The following FGF14 variants were observed in gnomAD, a reference collection of about 807,000 sequenced individuals.
The protein encoded by FGF14 is fibroblast growth factor homologous factor 4.
A neutral mutation model predicts 25.5 loss-of-function variants in FGF14; 5 were observed. That is an observed-to-expected ratio of 0.20 (90% CI 0.10 to 0.41). The LOEUF is 0.41. Among genes scored for constraint, FGF14 ranks in the 10% least tolerant of loss-of-function variants. The pLI is 1.00. For missense variants in FGF14, 222 were observed against 320.1 expected (o/e 0.69, Z 2.34); for synonymous variants, 138 against 118.3 (o/e 1.17, Z -1.08).
chr13:102,383,323 GT>G (rs1377939794), intron 1 of FGF14, among the ~76,000 whole-genome samples: 1 of 152,066 alleles, frequency 6.6e-6, no homozygotes, highest in African/African-American at 2.4e-5. Context: ...AGACAAATAT[GT>G]TTATTTGTGG....
intron 1 of FGF14, among the ~76,000 whole-genome samples, chr13:101,947,692 T>C (rs1322741926): frequency 2.0e-5 from 3 of 151,856 alleles, no homozygotes; most frequent in Admixed American, 6.6e-5. Flanking sequence ...CTAGAGGGGG[T>C]AGGGAGGGAT....
At chr13:102,131,776 G>A (rs563989408) in intron 1 of FGF14, among the ~76,000 whole-genome samples, 10 of 152,094 alleles carry the variant, frequency 6.6e-5, no homozygotes, top group South Asian at 2.1e-4. Flanking sequence ...ATCTTGTTTC[G>A]TAATTTTCTT....
At chr13:102,306,523 TTTGGTC>T in intron 1 of FGF14, among the ~76,000 whole-genome samples, 1 of 151,764 alleles carries the variant, frequency 6.6e-6, no homozygotes. Flanking sequence ...GACCTTGGAG[TTTGGTC>T]TTTAGGCAGA....
intron 1 of FGF14, among the ~76,000 whole-genome samples, chr13:102,036,901 A>C (rs2041502360): frequency 1.3e-5 from 2 of 152,200 alleles, no homozygotes; most frequent in Non-Finnish European, 2.9e-5. Context: ...GGAAAGATGA[A>C]CTTGAGGAAA....
intron 1 of FGF14, among the ~76,000 whole-genome samples, chr13:102,134,839 C>A (rs561027570): frequency 3.3e-5 from 5 of 152,290 alleles, no homozygotes; most frequent in Middle Eastern, 3.4e-3. Context: ...CTGGTCCCTT[C>A]TAGATTCTTA....
At chr13:102,308,926 A>AC (rs2138653284) in intron 1 of FGF14, among the ~76,000 whole-genome samples, 1 of 150,542 alleles carries the variant, frequency 6.6e-6, no homozygotes, top group South Asian at 2.1e-4. Flanking sequence ...CAAAAAAAAA[A>AC]AAAAAAAACA....
chr13:102,028,576 A>C (rs2041051223), intron 1 of FGF14, among the ~76,000 whole-genome samples: 4 of 152,068 alleles, frequency 2.6e-5, no homozygotes, highest in Admixed American at 2.6e-4. Flanking sequence ...ACTATTTATC[A>C]GATGCTTACA....
rs1209345731 is a variant in FGF14 at position 101,805,981 on chromosome 13, TATATAC to T, written c.408+62738_408+62743del. 5.9e-5 allele frequency among the ~76,000 whole-genome samples: 9 copies of T among 152,120 alleles called. No individual in the cohort carries two copies. The South Asian group carries it at 1.2e-3, about 21-fold the overall frequency. On this transcript the variant is annotated intron_variant, in intron 3 of 4. Coordinates refer to ENST00000376143, the MANE Select transcript of FGF14 (RefSeq NM_004115.4). Reference sequence around the variant, plus strand: ...AAATGTATAGATATGTATAAAAATGTATATACATATACATATATTTATCAGTTTCAT... The same window carrying T: ...AAATGTATAGATATGTATAAAAATGTATATACATATATTTATCAGTTTCAT...
At chr13:102,133,011 G>C (rs1483441593) in intron 1 of FGF14, among the ~76,000 whole-genome samples, 1 of 152,140 alleles carries the variant, frequency 6.6e-6, no homozygotes, top group Non-Finnish European at 1.5e-5. Flanking sequence ...TAGAACATCT[G>C]CTATCAAAAC....
chr13:102,129,833 T>TAA (rs994996749), intron 1 of FGF14, among the ~76,000 whole-genome samples: 1 of 150,784 alleles, frequency 6.6e-6, no homozygotes, highest in Non-Finnish European at 1.5e-5. Flanking sequence ...AGTATAATAA[T>TAA]AAAAAAAAAG....
chr13:101,711,290 T>C lies in FGF14; in HGVS notation c.*11541A>G, dbSNP rs1321544020. 6.6e-6 allele frequency: 1 copy of C among 152,210 alleles called. No homozygotes were observed. Among genetic ancestry groups the C allele is most frequent in the Non-Finnish European group, 1.5e-5 (1 of 68,044 alleles). 9.4% of individuals were successfully genotyped at this position (152,210 alleles called of 1,614,324 possible). ...TTGTGTGACAATGGCTGTAAACACA[T>C]GTCATTAACTGTCTCCTTAAACTCT... On this transcript the variant is annotated 3_prime_UTR_variant, in exon 5 of 5. Coordinates refer to ENST00000376143, the MANE Select transcript of FGF14 (RefSeq NM_004115.4).
intron 1 of FGF14, among the ~76,000 whole-genome samples, chr13:102,275,302 C>T (rs2053481881): frequency 1.4e-5 from 2 of 144,236 alleles, no homozygotes; most frequent in Non-Finnish European, 3.0e-5. Context: ...CTCTAAAATT[C>T]CAAAGGGGTC....
At chr13:101,802,890 C>A (rs2040966647) in intron 3 of FGF14, among the ~76,000 whole-genome samples, 1 of 152,028 alleles carries the variant, frequency 6.6e-6, no homozygotes, top group South Asian at 2.1e-4. Context: ...ACTTTTGAGG[C>A]CCCTGGCTTC....
chr13:101,888,446 A>ATGTG (rs140919969), intron 1 of FGF14, among the ~76,000 whole-genome samples: 1 of 151,862 alleles, frequency 6.6e-6, no homozygotes, highest in Admixed American at 6.6e-5. Flanking sequence ...ATATACATGA[A>ATGTG]TGTGTGTGTG....
At chr13:102,146,391 G>A (rs1475338489) in intron 1 of FGF14, among the ~76,000 whole-genome samples, 2 of 152,188 alleles carry the variant, frequency 1.3e-5, no homozygotes, top group Non-Finnish European at 2.9e-5. Flanking sequence ...ATTAGCTCAT[G>A]GGTTTACAGA....
chr13:102,292,966 A>G (rs1286706019), intron 1 of FGF14: 1 of 152,278 alleles, frequency 6.6e-6, no homozygotes, highest in East Asian at 1.9e-4. Flanking sequence ...TGAAGATCAC[A>G]TCTGCGCAAC....
intron 1 of FGF14, among the ~76,000 whole-genome samples, chr13:101,963,858 T>G (rs1249897595): frequency 1.3e-5 from 2 of 152,252 alleles, no homozygotes; most frequent in East Asian, 3.8e-4. Flanking sequence ...GATTTTTAAG[T>G]ACTTAGTATA....
intron 1 of FGF14, among the ~76,000 whole-genome samples, chr13:102,029,940 T>C (rs866397782): frequency 6.6e-6 from 1 of 152,094 alleles, no homozygotes; most frequent in Non-Finnish European, 1.5e-5. Flanking sequence ...AGAGAAATGA[T>C]TGTTCTTGTC....
chr13:102,092,122 C>A (rs925901315), intron 1 of FGF14, among the ~76,000 whole-genome samples: 7 of 152,144 alleles, frequency 4.6e-5, no homozygotes, highest in African/African-American at 1.7e-4. Flanking sequence ...AAATGATGAA[C>A]AACTCTTGAT....
Sources: gnomAD v4.1 joint callset for allele counts (sites outside exome capture counted in the v4.1 genomes callset) on GRCh38, gnomAD v4.1.1 for gene constraint, MANE v1.5 for transcripts, NCBI Gene and HGNC (gene_info 2026-07-23, HGNC 2026-07-21) for gene names.